Variants in ZZEF1 observed in about 807,000 individuals in gnomAD.
The protein encoded by ZZEF1 is zinc finger ZZ-type and EF-hand domain containing 1.
A neutral mutation model predicts 342.8 loss-of-function variants in ZZEF1; 157 were observed. The ratio of observed to expected loss-of-function variants is 0.46; its 90% CI spans 0.40 to 0.52. The LOEUF is 0.52. Among genes scored for constraint, ZZEF1 ranks in the 20% least tolerant of loss-of-function variants. The pLI, the probability that ZZEF1 is intolerant of heterozygous loss-of-function variation, is 0.00. For synonymous variants in ZZEF1, 1,505 were observed against 1,429.1 expected, an observed-to-expected ratio of 1.05 and a Z score of -1.20; for missense variants, 3,480 against 3,725.6, an observed-to-expected ratio of 0.93 and a Z score of 1.72.
chr17:4,102,478 C>T, intron 8 of ZZEF1, 63 bp from the exon 9 acceptor site: 1 of 1,384,948 alleles, frequency 7.2e-7, no homozygotes, highest in South Asian at 1.2e-5. Flanking sequence ...AACTAGCATG[C>T]CTATCTGTGG....
chr17:4,023,781 G>A (rs1307426555), intron 43 of ZZEF1, among the ~76,000 whole-genome samples: 1 of 152,058 alleles, frequency 6.6e-6, no homozygotes, highest in Non-Finnish European at 1.5e-5. Context: ...GCAGTGAGCC[G>A]TGATCACAGG....
chr17:4,080,733 ACAC>A (rs2057708151), intron 18 of ZZEF1, among the ~76,000 whole-genome samples: 1 of 151,314 alleles, frequency 6.6e-6, no homozygotes, highest in South Asian at 2.1e-4. Flanking sequence ...CTGAAAATTC[ACAC>A]CACTAACACA....
At chr17:4,080,456 C>G (rs1305946493) in intron 18 of ZZEF1, among the ~76,000 whole-genome samples, 3 of 152,210 alleles carry the variant, frequency 2.0e-5, no homozygotes, top group Non-Finnish European at 2.9e-5. Context: ...TCTCCTGCCT[C>G]AGCCTCCCGA....
At chr17:4,118,997 A>G (rs530345910) in intron 2 of ZZEF1, among the ~76,000 whole-genome samples, 1 of 152,296 alleles carries the variant, frequency 6.6e-6, no homozygotes, top group Admixed American at 6.5e-5. Context: ...CAATATTATG[A>G]CGTGAAGCTG....
chr17:4,065,965 T>TA (rs973663805), intron 28 of ZZEF1, among the ~76,000 whole-genome samples: 3 of 151,480 alleles, frequency 2.0e-5, no homozygotes, highest in Non-Finnish European at 4.4e-5. Flanking sequence ...ACCCCTTCTC[T>TA]AAAAAAAAGT....
chr17:4,109,139 A>G (rs1199373735), intron 6 of ZZEF1, among the ~76,000 whole-genome samples: 1 of 152,214 alleles, frequency 6.6e-6, no homozygotes, highest in Non-Finnish European at 1.5e-5. Flanking sequence ...TCATTCGTGG[A>G]AAGAGCCCTC....
chr17:4,141,787 G>T (rs903841545), intron 1 of ZZEF1, among the ~76,000 whole-genome samples: 1 of 151,522 alleles, frequency 6.6e-6, no homozygotes, highest in South Asian at 2.1e-4. Flanking sequence ...GGTAACCCTG[G>T]ATCAGTCTTC....
rs577315953 is a variant in ZZEF1 at position 4,044,039 on chromosome 17, G to A, written c.6166+185C>T. Among the ~76,000 whole-genome samples, 8 of 152,348 alleles carry A rather than the reference G, an allele frequency of 5.3e-5. No individual in the cohort carries two copies. The East Asian group carries it at 1.5e-3, about 29-fold the overall frequency. On this transcript the variant is annotated intron_variant, in intron 38 of 54. Coordinates refer to ENST00000381638, the MANE Select transcript of ZZEF1 (RefSeq NM_015113.4). ...GTAAATACAGGAAATAAATAAGGTA[G>A]GAAAGCAGTCAAAGTGAAGAAAGAT...
At chr17:4,115,016 C>T (rs1379638802) in intron 3 of ZZEF1, among the ~76,000 whole-genome samples, 2 of 151,974 alleles carry the variant, frequency 1.3e-5, no homozygotes, top group African/African-American at 4.8e-5. Flanking sequence ...CTATAACCCA[C>T]GTGCTTTTTT....
At chr17:4,103,881 C>T (rs1184163750) in intron 8 of ZZEF1, among the ~76,000 whole-genome samples, 1 of 152,180 alleles carries the variant, frequency 6.6e-6, no homozygotes, top group Non-Finnish European at 1.5e-5. Context: ...GATCATGCCA[C>T]TGCACTCCAA....
chr17:4,107,328 C>G (rs2058228350), intron 6 of ZZEF1, among the ~76,000 whole-genome samples: 1 of 152,182 alleles, frequency 6.6e-6, no homozygotes, highest in African/African-American at 2.4e-5. Context: ...ATAGAAACCT[C>G]TTCCTTTTCC....
At position 4,102,363 on chromosome 17, in the gene ZZEF1, A is replaced by T. The variant is rs762953157; in HGVS notation, c.1626T>A (p.Asp542Glu). The T allele has an allele frequency of 5.6e-6, 9 of 1,613,976 alleles. No individual in the cohort carries two copies. In the South Asian group the frequency reaches 9.9e-5, roughly 18 times the overall value. ...CAAGGAGGTTTTCGGGTCCAGACTTATCTTCTTTTCCTTTGACATCACATG... is the reference window on the plus strand; with the variant it reads ...CAAGGAGGTTTTCGGGTCCAGACTTTTCTTCTTTTCCTTTGACATCACATG... Reference protein sequence around the residue: ...LQACDVKGKEDKSGPENLLVE... With the variant: ...LQACDVKGKEEKSGPENLLVE... The change falls in exon 9 of 55, where the codon GAT (aspartate) becomes GAA (glutamate). Residue 542 changes from aspartate (D) to glutamate (E), a missense_variant. Physicochemically the swap from Asp to Glu is conservative, Grantham distance 45. Around this residue, in one of 5 missense-constraint regions of ZZEF1, gnomAD observed 1,528 missense variants for 1,624.1 expected, o/e 0.94. Transcript: ENST00000381638.
At chr17:4,034,365 C>T (rs1241410827) in intron 39 of ZZEF1, 73 bp from the exon 40 acceptor site, 6 of 1,514,066 alleles carry the variant, frequency 4.0e-6, no homozygotes, top group South Asian at 3.6e-5. Flanking sequence ...TTATATCTCC[C>T]TCCTACCTTA....
At chr17:4,133,359 T>C (rs776732337) in intron 1 of ZZEF1, among the ~76,000 whole-genome samples, 2 of 152,174 alleles carry the variant, frequency 1.3e-5, no homozygotes, top group African/African-American at 2.4e-5. Flanking sequence ...CAGCTAGTGT[T>C]TGCATCCAAG....
Position 4,049,864 on chromosome 17 carries a change from G to A in ZZEF1, c.5864-5C>T, listed in dbSNP as rs1383476335. ...GCAAAGCTAGAGCTTTAAGGCCTAT[G>A]TGGGAAGCAAATCAGAGAATGGTTA... On this transcript the variant is annotated splice_polypyrimidine_tract_variant and splice_region_variant and intron_variant, in intron 36 of 54. Coordinates refer to ENST00000381638, the MANE Select transcript of ZZEF1 (RefSeq NM_015113.4). The A allele has an allele frequency of 1.9e-6, 3 of 1,612,196 alleles. No individual in the cohort carries two copies. Among genetic ancestry groups the A allele is most frequent in the Admixed American group, 1.7e-5 (1 of 59,450 alleles).
At chr17:4,040,265 T>C (rs898898844) in intron 39 of ZZEF1, among the ~76,000 whole-genome samples, 3 of 152,114 alleles carry the variant, frequency 2.0e-5, no homozygotes, top group African/African-American at 7.2e-5. Context: ...AAAAATGAAT[T>C]AGAGTAAATA....
intron 4 of ZZEF1, among the ~76,000 whole-genome samples, chr17:4,113,042 T>C (rs567490174): frequency 6.6e-6 from 1 of 152,326 alleles, no homozygotes; most frequent in African/African-American, 2.4e-5. Context: ...TTTAAGCTAT[T>C]TGTACAGAAA....
rs115351587 is a variant in ZZEF1, at chr17:4,123,977, G to A, written c.429C>T (p.Ser143=). 353 of 1,613,974 alleles carry A rather than the reference G, an allele frequency of 2.2e-4. No homozygotes were observed. The African/African-American group carries it at 3.5e-3, about 16-fold the overall frequency. ...AENMLEALKN[S]SGANLQGELS... ...GCTCCCCCTGAAGATTAGCTCCACT[G>A]GAATTCTTGAGGGCCTCCAACATGT... The change falls in exon 2 of 55, where the codon TCC becomes TCT. Residue 143 remains serine (S), a synonymous_variant. Transcript: ENST00000381638.
chr17:4,024,202 T>TG (rs1486347657), intron 43 of ZZEF1, among the ~76,000 whole-genome samples: 32 of 143,198 alleles, frequency 2.2e-4, no homozygotes, highest in African/African-American at 7.1e-4. Context: ...TTTTTTTTTT[T>TG]TTTTTTTTTT....
Sources: gnomAD v4.1 joint callset for allele counts (sites outside exome capture counted in the v4.1 genomes callset) on GRCh38, gnomAD v4.1.1 for gene constraint, gnomAD v4.1.1 regional missense constraint, MANE v1.5 for transcripts, NCBI Gene and HGNC (gene_info 2026-07-23, HGNC 2026-07-21) for gene names.